The following RAP1GDS1 variants were observed in gnomAD, a reference collection of about 807,000 sequenced individuals.
The protein encoded by RAP1GDS1 is Rap1 GTPase-GDP dissociation stimulator 1.
RAP1GDS1 carries 35 observed loss-of-function variants against 71.1 expected under a neutral mutation model. The observed-to-expected ratio is 0.49, with a 90% confidence interval of 0.38 to 0.65. The LOEUF is 0.65. RAP1GDS1 is among the 30% of genes least tolerant of loss of function. The pLI is 0.00. For synonymous variants in RAP1GDS1, 229 were observed against 243.1 expected, an observed-to-expected ratio of 0.94 and a Z score of 0.54; for missense variants, 663 against 706.1, an observed-to-expected ratio of 0.94 and a Z score of 0.69.
intron 12 of RAP1GDS1, among the ~76,000 whole-genome samples, chr4:98,430,203 G>T (rs1486002945): frequency 1.3e-5 from 2 of 151,928 alleles, no homozygotes; most frequent in African/African-American, 2.4e-5. Flanking sequence ...GGTGGATGGG[G>T]GTGTGTGTAG....
chr4:98,308,138 ATATATATGTGTG>A (rs1262916889), intron 2 of RAP1GDS1, among the ~76,000 whole-genome samples: 7 of 151,240 alleles, frequency 4.6e-5, no homozygotes, highest in Non-Finnish European at 7.4e-5. Context: ...ATCAAAGAAT[ATATATATGTGTG>A]TATATATGTG....
intron 2 of RAP1GDS1, among the ~76,000 whole-genome samples, chr4:98,315,435 A>T (rs971561087): frequency 6.6e-5 from 10 of 152,160 alleles, no homozygotes; most frequent in Admixed American, 3.3e-4. Flanking sequence ...GTGTGTGAGT[A>T]TTGAAGTAGG....
chr4:98,313,068 C>CAA (rs556945198), intron 2 of RAP1GDS1, among the ~76,000 whole-genome samples: 66 of 38,140 alleles, frequency 1.7e-3, no homozygotes, highest in Non-Finnish European at 2.6e-3. Flanking sequence ...GACTCTGTCT[C>CAA]AAAAAAAAAA....
intron 2 of RAP1GDS1, among the ~76,000 whole-genome samples, chr4:98,338,685 T>G (rs1044156015): frequency 6.6e-6 from 1 of 152,228 alleles, no homozygotes; most frequent in Admixed American, 6.5e-5. Flanking sequence ...AAAATGTTTT[T>G]TATTACTCTA....
intron 1 of RAP1GDS1, among the ~76,000 whole-genome samples, chr4:98,289,638 C>T (rs1726627649): frequency 6.8e-6 from 1 of 147,786 alleles, no homozygotes; most frequent in African/African-American, 2.5e-5. Context: ...AATTTTTAAA[C>T]ACAGTCCTTT....
At chr4:98,393,130 A>G (rs1292370768) in intron 6 of RAP1GDS1, among the ~76,000 whole-genome samples, 1 of 152,226 alleles carries the variant, frequency 6.6e-6, no homozygotes, top group South Asian at 2.1e-4. Context: ...AGTTACAACA[A>G]ACAAATATAT....
chr4:98,421,362 C>G lies in RAP1GDS1; in HGVS notation c.1408C>G (p.Leu470Val). ...TGTGATGGGGGAGTCAAACAGACTG[C>G]TGTCTGCCCTTATACGACACAGTAA... ...AGVMGESNRLLSALIRHSKSK... is the reference protein window; with the variant it reads ...AGVMGESNRLVSALIRHSKSK... The change falls in exon 12 of 15, where the codon CTG (leucine) becomes GTG (valine). Residue 470 changes from leucine to valine, a missense_variant. Transcript: ENST00000408927. The G allele has an allele frequency of 6.2e-7, 1 of 1,607,278 alleles. No homozygotes were observed. Among genetic ancestry groups the G allele is most frequent in the Non-Finnish European group, 8.5e-7 (1 of 1,176,114 alleles).
chr4:98,306,686 T>C (rs1729374036), intron 2 of RAP1GDS1, among the ~76,000 whole-genome samples: 1 of 152,222 alleles, frequency 6.6e-6, no homozygotes, highest in Non-Finnish European at 1.5e-5. Flanking sequence ...AGAAAATAGC[T>C]TTAAGTAATA....
At chr4:98,369,062 G>A (rs1231266558) in intron 4 of RAP1GDS1, among the ~76,000 whole-genome samples, 3 of 152,104 alleles carry the variant, frequency 2.0e-5, no homozygotes, top group Non-Finnish European at 2.9e-5. Flanking sequence ...CTTACATGGT[G>A]GCAGGCAAGA....
chr4:98,405,649 T>A (rs1209554377), intron 7 of RAP1GDS1, among the ~76,000 whole-genome samples: 2 of 151,778 alleles, frequency 1.3e-5, no homozygotes, highest in Non-Finnish European at 2.9e-5. Context: ...TAAACAAAAA[T>A]CCACATCTAG....
At chr4:98,303,032 C>T (rs1258966480) in intron 2 of RAP1GDS1, among the ~76,000 whole-genome samples, 5 of 146,898 alleles carry the variant, frequency 3.4e-5, no homozygotes, top group Non-Finnish European at 7.4e-5. Flanking sequence ...GGCGGTAGAG[C>T]AAGACTCAGT....
intron 2 of RAP1GDS1, among the ~76,000 whole-genome samples, chr4:98,308,215 G>GGTATATACATATATGTGCATATATGT (rs1729631236): frequency 7.3e-6 from 1 of 137,776 alleles, no homozygotes; most frequent in African/African-American, 2.7e-5. Context: ...CGTGTATATA[G>GGTATATACATATATGTGCATATATGT]GTATATACAT....
At chr4:98,278,536 G>A (rs866645324) in intron 1 of RAP1GDS1, among the ~76,000 whole-genome samples, 11 of 152,232 alleles carry the variant, frequency 7.2e-5, no homozygotes, top group Middle Eastern at 3.4e-3. Flanking sequence ...ACTAATCATG[G>A]TTAAACTGAA....
intron 2 of RAP1GDS1, among the ~76,000 whole-genome samples, chr4:98,341,962 A>G (rs185972438): frequency 1.2e-4 from 18 of 152,326 alleles, no homozygotes; most frequent in African/African-American, 4.1e-4. Flanking sequence ...AATTTCAATC[A>G]TAATGTTTGA....
At chr4:98,437,089 T>C (rs1262225254) in intron 14 of RAP1GDS1, 21 bp downstream of exon 14, 1 of 1,569,918 alleles carries the variant, frequency 6.4e-7, no homozygotes, top group Non-Finnish European at 8.6e-7. Context: ...TTCTATCATT[T>C]GATGTCCATA....
intron 2 of RAP1GDS1, among the ~76,000 whole-genome samples, chr4:98,319,834 T>C (rs921679301): frequency 6.6e-6 from 1 of 151,070 alleles, no homozygotes; most frequent in Non-Finnish European, 1.5e-5. Flanking sequence ...ACAGGTCCTC[T>C]TATAAGCAGA....
At chr4:98,315,679 G>A (rs567722189) in intron 2 of RAP1GDS1, among the ~76,000 whole-genome samples, 11 of 152,074 alleles carry the variant, frequency 7.2e-5, no homozygotes, top group Admixed American at 2.6e-4. Context: ...AAAGTGGAAA[G>A]GGCATAAGGG....
chr4:98,402,365 C>T (rs965538165), intron 6 of RAP1GDS1, among the ~76,000 whole-genome samples: 1 of 152,196 alleles, frequency 6.6e-6, no homozygotes, highest in African/African-American at 2.4e-5. Context: ...AGCCACCATG[C>T]CCGGCCTCAT....
chr4:98,377,326 C>T (rs780418759), intron 4 of RAP1GDS1, among the ~76,000 whole-genome samples: 3 of 151,860 alleles, frequency 2.0e-5, no homozygotes, highest in Non-Finnish European at 2.9e-5. Flanking sequence ...ACATCATCCA[C>T]ATAGAAATTG....
Sources: gnomAD v4.1 joint callset for allele counts (sites outside exome capture counted in the v4.1 genomes callset) on GRCh38, gnomAD v4.1.1 for gene constraint, MANE v1.5 for transcripts, NCBI Gene and HGNC (gene_info 2026-07-23, HGNC 2026-07-21) for gene names.